Variants in WNT3A observed in about 807,000 individuals in gnomAD.
WNT3A encodes the protein protein Wnt-3a.
WNT3A carries 17 observed loss-of-function variants against 37.0 expected under a neutral mutation model. The ratio of observed to expected loss-of-function variants is 0.46; its 90% CI spans 0.31 to 0.69. The LOEUF (loss-of-function observed/expected upper bound fraction) is 0.69, where lower values mean the gene tolerates loss of function less well. Ranked by LOEUF, WNT3A falls within the 30% of genes least tolerant of loss-of-function variation. The pLI is 0.05. For missense variants in WNT3A, 411 were observed against 510.2 expected, an observed-to-expected ratio of 0.81 and a Z score of 1.87; for synonymous variants, 187 against 211.0, an observed-to-expected ratio of 0.89 and a Z score of 0.99.
In WNT3A at chr1:228,051,041, C is replaced by T. The variant is rs574954606; in HGVS notation, c.579+120C>T. 1.3e-5 allele frequency: 17 copies of T among 1,278,474 alleles called. No homozygotes were observed. In the African/African-American group the frequency reaches 2.3e-4, roughly 17 times the overall value. 79.2% of individuals were successfully genotyped at this position (1,278,474 alleles called of 1,614,324 possible). On this transcript the variant is annotated intron_variant, in intron 3 of 3. Coordinates refer to ENST00000284523, the MANE Select transcript of WNT3A (RefSeq NM_033131.4). ...GGATGGTGGCCAGGCTGAGGGTCTT[C>T]TCGACCCCTGCCTGGGGTGTGCGAA...
At chr1:228,022,417 C>A (rs1209383583) in intron 1 of WNT3A, among the ~76,000 whole-genome samples, 1 of 152,166 alleles carries the variant, frequency 6.6e-6, no homozygotes, top group African/African-American at 2.4e-5. Context: ...CAGTGAGATT[C>A]TGTCTCAAAA....
At chr1:228,014,290 GAGAA>G (rs2030462769) in intron 1 of WNT3A, among the ~76,000 whole-genome samples, 1 of 152,212 alleles carries the variant, frequency 6.6e-6, no homozygotes, top group African/African-American at 2.4e-5. Flanking sequence ...AGGGGAAAGA[GAGAA>G]AGAGCAAACA....
intron 2 of WNT3A, among the ~76,000 whole-genome samples, chr1:228,028,957 G>A (rs73110763): frequency 0.038 from 5,684 of 149,740 alleles, 329 homozygotes; most frequent in African/African-American, 0.12. Flanking sequence ...GGCAAAACGA[G>A]TTTTTTTTTT....
Position 228,059,642 on chromosome 1 carries a change from C to A in WNT3A, c.*177C>A. On this transcript the variant is annotated 3_prime_UTR_variant, in exon 4 of 4. Transcript: ENST00000284523. ...CTCCTACCTGAAGGCAGGGCTCCTC[C>A]CTGGAGCTAGTGTCTCCTCTCTGGT... 1 of 1,378,776 alleles carries A rather than the reference C, an allele frequency of 7.3e-7. No individual in the cohort carries two copies. The highest frequency in any genetic ancestry group is 1.7e-5 in the South Asian group (1 of 57,214). The allele number at this position is 1,378,776 out of a possible 1,614,324, so 85.4% of individuals were successfully genotyped here.
At chr1:228,017,660 A>G (rs80216077) in intron 1 of WNT3A, among the ~76,000 whole-genome samples, 20,396 of 152,244 alleles carry the variant, frequency 0.13, 1,656 homozygotes, top group African/African-American at 0.23. Context: ...TCAACGCTGC[A>G]GTGAGCCCTC....
At position 228,037,849 on chromosome 1, in the gene WNT3A, G is replaced by A. The variant is rs1013175496; in HGVS notation, c.314-12807G>A. On this transcript the variant is annotated intron_variant, in intron 2 of 3. Transcript: ENST00000284523. This position sits in a 1 kb window ranked among gnomAD's most constrained non-coding sequence, Gnocchi z 4.1. ...TGCGCGGGCGGTTCACACGCCCTTC[G>A]CGGTGCTGAATTAAAGCGTCTGAAT... is the stretch of plus-strand genomic sequence containing the variant. Among the ~76,000 whole-genome samples, 3 of 152,230 alleles carry A rather than the reference G, an allele frequency of 2.0e-5. No homozygotes were observed. The highest frequency in any genetic ancestry group is 2.0e-4 in the Admixed American group (3 of 15,294).
At chr1:228,045,060 C>A (rs948979864) in intron 2 of WNT3A, among the ~76,000 whole-genome samples, 3 of 152,238 alleles carry the variant, frequency 2.0e-5, no homozygotes, top group African/African-American at 7.2e-5. Flanking sequence ...AGAATGAGCT[C>A]TTTTCTGTCC....
chr1:228,033,269 T>C (rs2031055294), intron 2 of WNT3A, among the ~76,000 whole-genome samples: 1 of 152,230 alleles, frequency 6.6e-6, no homozygotes, highest in Non-Finnish European at 1.5e-5. Context: ...CTCACAAAGA[T>C]CTACTCTTCA....
At chr1:228,053,578 C>T (rs888279604) in intron 3 of WNT3A, among the ~76,000 whole-genome samples, 1 of 152,104 alleles carries the variant, frequency 6.6e-6, no homozygotes, top group East Asian at 1.9e-4. Context: ...TCCACACTCA[C>T]ATATGCAGCA....
intron 1 of WNT3A, among the ~76,000 whole-genome samples, chr1:228,018,171 T>C (rs994383646): frequency 1.3e-5 from 2 of 152,048 alleles, no homozygotes; most frequent in African/African-American, 4.8e-5. Flanking sequence ...CACTCTCCAT[T>C]TGCAGAGCCC....
chr1:228,007,960 C>T lies in WNT3A; in HGVS notation c.71+761C>T, dbSNP rs1482077288. On this transcript the variant is annotated intron_variant, in intron 1 of 3. Transcript: ENST00000284523. This position sits in a 1 kb window ranked among gnomAD's most constrained non-coding sequence, Gnocchi z 6.0. ...TGCGCCCTCCACACCAGAAAAGGCG[C>T]GTTCCGTGAGACCCTCCCCAGCCTG... is the stretch of plus-strand genomic sequence containing the variant. Among the ~76,000 whole-genome samples the T allele has an allele frequency of 6.6e-6, 1 of 152,206 alleles. No individual in the cohort carries two copies. The highest frequency in any genetic ancestry group is 2.4e-5 in the African/African-American group (1 of 41,460).
intron 2 of WNT3A, among the ~76,000 whole-genome samples, chr1:228,026,057 C>A (rs1297898199): frequency 2.0e-5 from 3 of 151,912 alleles, no homozygotes; most frequent in Non-Finnish European, 4.4e-5. Context: ...CTGTGGCCAG[C>A]TTGTAATTGT....
At chr1:228,012,071 C>T (rs1352461341) in intron 1 of WNT3A, among the ~76,000 whole-genome samples, 1 of 152,240 alleles carries the variant, frequency 6.6e-6, no homozygotes, top group Non-Finnish European at 1.5e-5. Flanking sequence ...TCGCATAAGC[C>T]TCCTAGAATC....
intron 2 of WNT3A, among the ~76,000 whole-genome samples, chr1:228,027,445 T>C (rs1285083435): frequency 2.0e-5 from 3 of 152,208 alleles, no homozygotes; most frequent in Non-Finnish European, 4.4e-5. Context: ...TCTATTATTT[T>C]TTGATTTTTC....
At chr1:228,026,178 A>G (rs994462676) in intron 2 of WNT3A, among the ~76,000 whole-genome samples, 1 of 151,668 alleles carries the variant, frequency 6.6e-6, no homozygotes, top group African/African-American at 2.4e-5. Flanking sequence ...ACCCTGCTTA[A>G]TTTGTTTGTT....
intron 3 of WNT3A, among the ~76,000 whole-genome samples, chr1:228,051,997 G>A (rs760732015): frequency 5.9e-5 from 9 of 152,102 alleles, no homozygotes; most frequent in Admixed American, 1.3e-4. Flanking sequence ...CAGGTCCCAC[G>A]CCCAACACTG....
chr1:228,008,895 C>G lies in WNT3A; in HGVS notation c.71+1696C>G, dbSNP rs1013279886. On this transcript the variant is annotated intron_variant, in intron 1 of 3. Coordinates refer to ENST00000284523, the MANE Select transcript of WNT3A (RefSeq NM_033131.4). This position sits in a 1 kb window ranked among gnomAD's most constrained non-coding sequence, Gnocchi z 4.9. ...CATATGCATGTATACCTCCTTTTCA[C>G]CTGGGCCCCCTGTGTTCTACCCTGA... Among the ~76,000 whole-genome samples the G allele has an allele frequency of 1.8e-4, 27 of 152,234 alleles. No homozygotes were observed. The highest frequency in any genetic ancestry group is 6.3e-4 in the African/African-American group (26 of 41,560).
intron 1 of WNT3A, among the ~76,000 whole-genome samples, chr1:228,012,907 T>A (rs2030415782): frequency 6.6e-6 from 1 of 152,164 alleles, no homozygotes; most frequent in Non-Finnish European, 1.5e-5. Context: ...AGACAGGGTC[T>A]CGCTCTGTCA....
Position 228,038,555 on chromosome 1 carries a change from G to A in WNT3A, c.314-12101G>A, listed in dbSNP as rs1017671216. ...TCAGGTGGTCCTAGCTGGGATCCAA[G>A]GCACCCCCCTCACTCAGCCAGCCCC... is the stretch of plus-strand genomic sequence containing the variant. On this transcript the variant is annotated intron_variant, in intron 2 of 3. Coordinates refer to ENST00000284523, the MANE Select transcript of WNT3A (RefSeq NM_033131.4). This position sits in a 1 kb window ranked among gnomAD's most constrained non-coding sequence, Gnocchi z 5.7. Among the ~76,000 whole-genome samples the A allele has an allele frequency of 6.6e-6, 1 of 152,204 alleles. No individual in the cohort carries two copies. The highest frequency in any genetic ancestry group is 1.5e-5 in the Non-Finnish European group (1 of 68,042).
Sources: gnomAD v4.1 joint callset for allele counts (sites outside exome capture counted in the v4.1 genomes callset) on GRCh38, gnomAD v4.1.1 for gene constraint, Gnocchi (gnomAD v3.1) non-coding constraint, MANE v1.5 for transcripts, NCBI Gene and HGNC (gene_info 2026-07-23, HGNC 2026-07-21) for gene names.